Variants in OR10A2 observed in about 807,000 individuals in gnomAD.
The protein encoded by OR10A2 is olfactory receptor family 10 subfamily A member 2.
A neutral mutation model predicts 13.7 loss-of-function variants in OR10A2; 15 were observed. The observed-to-expected ratio is 1.10, with a 90% confidence interval of 0.73 to 1.69. OR10A2 has a LOEUF of 1.69. Ranked by LOEUF, OR10A2 falls within the 40% of genes most tolerant of loss-of-function variation. The probability of loss-of-function intolerance (pLI) is 0.00; values close to 1 mark genes in which losing one functional copy is unlikely to be tolerated. For missense variants in OR10A2, 343 were observed against 361.1 expected, an observed-to-expected ratio of 0.95 and a Z score of 0.41; for synonymous variants, 145 against 144.7, an observed-to-expected ratio of 1.00 and a Z score of -0.02.
chr11:6,869,953 A>G lies in OR10A2; in HGVS notation c.199A>G (p.Lys67Glu). 1.2e-6 allele frequency: 2 copies of G among 1,614,178 alleles called. No homozygotes were observed. The highest frequency in any genetic ancestry group is 1.6e-4 in the Middle Eastern group (1 of 6,062). Residue 67 changes from lysine to glutamate, a missense_variant, in exon 2 of 2, where the codon AAA (lysine) becomes GAA (glutamate). Transcript: ENST00000641461. Reference protein sequence around the residue: ...EIGFNLVIVPKMLGTLLAQDT... With the variant: ...EIGFNLVIVPEMLGTLLAQDT... ...TGGCTTCAACCTAGTCATTGTGCCC[A>G]AAATGCTGGGGACCCTGCTTGCCCA... is the stretch of plus-strand genomic sequence containing the variant.
At chr11:6,867,153 C>T (rs2133068420) in intron 1 of OR10A2, among the ~76,000 whole-genome samples, 1 of 152,114 alleles carries the variant, frequency 6.6e-6, no homozygotes, top group South Asian at 2.1e-4. Flanking sequence ...TTTTGTCCCC[C>T]AGGTGGTCTT....
At position 6,869,676 on chromosome 11, in the gene OR10A2, T is replaced by C; in HGVS notation, c.-79T>C. On this transcript the variant is annotated 5_prime_UTR_variant, in exon 2 of 2. Coordinates refer to ENST00000641461, the MANE Select transcript of OR10A2 (RefSeq NM_001004460.2). ...AATCTGACTTCCAATCAATAATCTT[T>C]CTCCATGACCACAGTTGGGGACTTC... The C allele has an allele frequency of 1.7e-6, 2 of 1,187,294 alleles. No homozygotes were observed. The highest frequency in any genetic ancestry group is 2.4e-6 in the Non-Finnish European group (2 of 820,698). 73.5% of individuals were successfully genotyped at this position (1,187,294 alleles called of 1,614,324 possible). A position where few individuals can be genotyped will look rare whatever the true frequency, so the allele number is the denominator to read the frequency against.
chr11:6,868,042 G>A (rs113909768), intron 1 of OR10A2, among the ~76,000 whole-genome samples: 8 of 152,290 alleles, frequency 5.3e-5, no homozygotes, highest in African/African-American at 1.7e-4. Context: ...CAGCCACCAC[G>A]CCTGGCCTAC....
Position 6,869,625 on chromosome 11 carries a change from A to G in OR10A2, c.-130A>G, listed in dbSNP as rs546204030. 8.9e-5 allele frequency: 76 copies of G among 851,832 alleles called. 1 individual carries two copies. In the South Asian group the frequency reaches 1.2e-3, roughly 13 times the overall value. 52.8% of individuals were successfully genotyped at this position (851,832 alleles called of 1,614,324 possible). On this transcript the variant is annotated splice_region_variant and 5_prime_UTR_variant, in exon 2 of 2. It removes the in-frame stop codon of an upstream open reading frame in the 5' UTR. Transcript: ENST00000641461. ...GACCTTGCCTCTTTCCCTGACAGTAAGAACGAGTCTGAAAAACAAATTGAG... is the reference window on the plus strand; with the variant it reads ...GACCTTGCCTCTTTCCCTGACAGTAGGAACGAGTCTGAAAAACAAATTGAG...
chr11:6,863,606 C>T (rs1269750411), intron 1 of OR10A2, among the ~76,000 whole-genome samples: 1 of 152,062 alleles, frequency 6.6e-6, no homozygotes, highest in African/African-American at 2.4e-5. Context: ...CAATTCTGTC[C>T]TCTAAAGTTT....
chr11:6,864,334 A>AC (rs1848364138), intron 1 of OR10A2, among the ~76,000 whole-genome samples: 2 of 151,936 alleles, frequency 1.3e-5, no homozygotes, highest in African/African-American at 4.8e-5. Context: ...ATTGAGAAAA[A>AC]AAAATTCTAA....
In OR10A2 at chr11:6,872,798, T is replaced by TCTTTC. The variant is rs1457435800; in HGVS notation, c.*2136_*2137insCCTTT. On this transcript the variant is annotated 3_prime_UTR_variant, in exon 2 of 2. Coordinates refer to ENST00000641461, the MANE Select transcript of OR10A2 (RefSeq NM_001004460.2). ...CCATTGCATGCAACACAAGTGTTTCTCTTTTCTTTTCTTTCTTTCTTTTTT... is the reference window on the plus strand; with the variant it reads ...CCATTGCATGCAACACAAGTGTTTCTCTTTCCTTTTCTTTTCTTTCTTTCTTTTTT... 6.7e-6 allele frequency: 1 copy of TCTTTC among 149,690 alleles called. No individual in the cohort carries two copies. The highest frequency in any genetic ancestry group is 1.5e-5 in the Non-Finnish European group (1 of 68,300). The allele number at this position is 149,690 out of a possible 1,614,324, so 9.3% of individuals were successfully genotyped here. A position where few individuals can be genotyped will look rare whatever the true frequency, so the allele number is the denominator to read the frequency against.
chr11:6,872,731 T>G lies in OR10A2; in HGVS notation c.*2065T>G, dbSNP rs1848446595. 1 of 152,186 alleles carries G rather than the reference T, an allele frequency of 6.6e-6. No homozygotes were observed. The highest frequency in any genetic ancestry group is 2.4e-5 in the African/African-American group (1 of 41,436). The allele number at this position is 152,186 out of a possible 1,614,324, so 9.4% of individuals were successfully genotyped here. On this transcript the variant is annotated 3_prime_UTR_variant, in exon 2 of 2. Coordinates refer to ENST00000641461, the MANE Select transcript of OR10A2 (RefSeq NM_001004460.2). Reference sequence around the variant, plus strand: ...TCGAACTTCTGAGTTCAAGCAATCCTTCTGCCTGAACCTCTCAAAGTGCTG... The same window carrying G: ...TCGAACTTCTGAGTTCAAGCAATCCGTCTGCCTGAACCTCTCAAAGTGCTG...
At position 6,869,338 on chromosome 11, in the gene OR10A2, C is replaced by T. The variant is rs572133454; in HGVS notation, c.-132-285C>T. Among the ~76,000 whole-genome samples the T allele has an allele frequency of 5.9e-5, 9 of 152,172 alleles. 1 individual carries two copies. The East Asian group carries it at 9.6e-4, about 16-fold the overall frequency. ...AAATTTAAATGTATGTGTTCTTTTA[C>T]GAGATTATAAACACTTGGTGTGTTT... On this transcript the variant is annotated intron_variant, in intron 1 of 1. Transcript: ENST00000641461.
chr11:6,869,899 T>G lies in OR10A2; in HGVS notation c.145T>G (p.Phe49Val). The change falls in exon 2 of 2, where the codon TTC (phenylalanine) becomes GTC (valine). Residue 49 changes from phenylalanine to valine, a missense_variant. Transcript: ENST00000641461. The part of the protein sequence containing the change: ...DPMLHSPMYF[F>V]LRNLSFLEIG... The stretch of plus-strand genomic sequence containing the variant: ...CATGCTACACAGCCCCATGTACTTC[T>G]TCCTCAGAAACTTATCTTTCCTGGA... The G allele has an allele frequency of 1.2e-6, 2 of 1,614,180 alleles. No homozygotes were observed. The highest frequency in any genetic ancestry group is 1.3e-5 in the African/African-American group (1 of 75,046).
chr11:6,869,267 T>C (rs913161787), intron 1 of OR10A2, among the ~76,000 whole-genome samples: 8 of 152,260 alleles, frequency 5.3e-5, no homozygotes, highest in Non-Finnish European at 7.3e-5. Flanking sequence ...AAACATATTA[T>C]ATGCATTCTT....
intron 1 of OR10A2, among the ~76,000 whole-genome samples, chr11:6,866,731 C>T (rs1450714031): frequency 3.3e-5 from 5 of 151,502 alleles, no homozygotes; most frequent in African/African-American, 1.2e-4. Flanking sequence ...TAATCATTTT[C>T]CAGTTTGGTT....
Position 6,870,947 on chromosome 11 carries a change from C to CTTTTTTTTTTTTTTTTTT in OR10A2, c.*298_*299insTTTTTTTTTTTTTTTTTT, listed in dbSNP as rs35120311. The CTTTTTTTTTTTTTTTTTT allele has an allele frequency of 7.3e-6, 1 of 136,438 alleles. No homozygotes were observed. 8.5% of individuals were successfully genotyped at this position (136,438 alleles called of 1,614,324 possible). On this transcript the variant is annotated 3_prime_UTR_variant, in exon 2 of 2. Coordinates refer to ENST00000641461, the MANE Select transcript of OR10A2 (RefSeq NM_001004460.2). ...CCAACTATTTCCAGGTGTTATATTT[C>CTTTTTTTTTTTTTTTTTT]TTTTTTTTTTTTTTTTTGAGACGGA...
At position 6,870,769 on chromosome 11, in the gene OR10A2, G is replaced by T; in HGVS notation, c.*103G>T. On this transcript the variant is annotated 3_prime_UTR_variant, in exon 2 of 2. Transcript: ENST00000641461. ...CACATCTCCAATAAGATGAAGTCCTGTTGCTGAAATGGCTTTTGGAAAGCT... is the reference window on the plus strand; with the variant it reads ...CACATCTCCAATAAGATGAAGTCCTTTTGCTGAAATGGCTTTTGGAAAGCT... The T allele has an allele frequency of 1.0e-6, 1 of 1,004,582 alleles. No individual in the cohort carries two copies. Among genetic ancestry groups the T allele is most frequent in the South Asian group, 1.8e-5 (1 of 55,426 alleles). The allele number at this position is 1,004,582 out of a possible 1,614,324, so 62.2% of individuals were successfully genotyped here.
chr11:6,868,876 C>T (rs1423791234), intron 1 of OR10A2, among the ~76,000 whole-genome samples: 3 of 152,180 alleles, frequency 2.0e-5, no homozygotes, highest in Non-Finnish European at 4.4e-5. Flanking sequence ...TCAGTTGTGT[C>T]TAGGAAATCT....
At chr11:6,864,316 G>T (rs138604060) in intron 1 of OR10A2, among the ~76,000 whole-genome samples, 1 of 128,644 alleles carries the variant, frequency 7.8e-6, no homozygotes, top group Non-Finnish European at 1.6e-5. Flanking sequence ...AAAAAAAAAA[G>T]AACAGTCATT....
rs575381453 is a variant in OR10A2 at position 6,872,103 on chromosome 11, A to C, written c.*1437A>C. On this transcript the variant is annotated 3_prime_UTR_variant, in exon 2 of 2. Transcript: ENST00000641461. ...TTTATAAAAACTCAATGAAATTTTA[A>C]TTTGAATGAAATAAATTTTGAAGAA... 3.3e-5 allele frequency: 5 copies of C among 152,228 alleles called. No homozygotes were observed. Among genetic ancestry groups the C allele is most frequent in the Non-Finnish European group, 5.9e-5 (4 of 68,032 alleles). The allele number at this position is 152,228 out of a possible 1,614,324, so 9.4% of individuals were successfully genotyped here. A position where few individuals can be genotyped will look rare whatever the true frequency, so the allele number is the denominator to read the frequency against.
At position 6,872,986 on chromosome 11, in the gene OR10A2, AT is replaced by A. The variant is rs11452256; in HGVS notation, c.*2330del. The A allele has an allele frequency of 2.3e-4, 34 of 149,162 alleles. No homozygotes were observed. The East Asian group carries it at 2.6e-3, about 11-fold the overall frequency. 9.2% of individuals were successfully genotyped at this position (149,162 alleles called of 1,614,324 possible). On this transcript the variant is annotated 3_prime_UTR_variant, in exon 2 of 2. Coordinates refer to ENST00000641461, the MANE Select transcript of OR10A2 (RefSeq NM_001004460.2). Reference sequence around the variant, plus strand: ...AGGCGTGCCAAGCCATGCCCAACTAATTTTTTTTTTGTATTTTTTAGTAGAG... The same window carrying A: ...AGGCGTGCCAAGCCATGCCCAACTAATTTTTTTTTGTATTTTTTAGTAGAG...
rs965501465 is a variant in OR10A2 at position 6,863,337 on chromosome 11, T to C, written c.-147T>C. The C allele has an allele frequency of 1.5e-5, 2 of 137,428 alleles. No homozygotes were observed. Among genetic ancestry groups the C allele is most frequent in the African/African-American group, 5.3e-5 (2 of 37,730 alleles). The allele number at this position is 137,428 out of a possible 1,614,324, so 8.5% of individuals were successfully genotyped here. A position where few individuals can be genotyped will look rare whatever the true frequency, so the allele number is the denominator to read the frequency against. Reference sequence around the variant, plus strand: ...AGCCAGAGTTGAACAAGGCAGATGTTCCTGTTGGACACAGGTAAGCCTTTT... The same window carrying C: ...AGCCAGAGTTGAACAAGGCAGATGTCCCTGTTGGACACAGGTAAGCCTTTT... On this transcript the variant is annotated 5_prime_UTR_variant, in exon 1 of 2. Transcript: ENST00000641461.
Sources: gnomAD v4.1 joint callset for allele counts (sites outside exome capture counted in the v4.1 genomes callset) on GRCh38, gnomAD v4.1.1 for gene constraint, MANE v1.5 for transcripts, NCBI Gene and HGNC (gene_info 2026-07-23, HGNC 2026-07-21) for gene names.